Variants in PTPN12 observed in about 807,000 individuals in gnomAD.
The protein encoded by PTPN12 is tyrosine-protein phosphatase non-receptor type 12.
In PTPN12, 29 loss-of-function variants were observed where a neutral mutation model predicts 97.6. The observed-to-expected ratio is 0.30, with a 90% CI of 0.22 to 0.41. PTPN12 has a LOEUF of 0.41. PTPN12 is among the 10% of genes least tolerant of loss of function. PTPN12 has a pLI of 1.00. For synonymous variants in PTPN12, 327 were observed against 300.4 expected (o/e 1.09, Z -0.91); for missense variants, 819 against 926.0 (o/e 0.88, Z 1.50).
chr7:77,585,772 T>C (rs1458255117), intron 5 of PTPN12, among the ~76,000 whole-genome samples, 191 bp downstream of exon 5: 2 of 152,184 alleles, frequency 1.3e-5, no homozygotes, highest in African/African-American at 2.4e-5. Context: ...ATTTTGTAAG[T>C]ATGTTTTATC....
At chr7:77,569,674 G>A (rs1808394941) in intron 1 of PTPN12, among the ~76,000 whole-genome samples, 2 of 152,178 alleles carry the variant, frequency 1.3e-5, no homozygotes, top group African/African-American at 4.8e-5. Flanking sequence ...AGGAGGCTGA[G>A]GCACAAGAAT....
At chr7:77,546,441 C>A (rs1016270674) in intron 1 of PTPN12, among the ~76,000 whole-genome samples, 2 of 152,196 alleles carry the variant, frequency 1.3e-5, no homozygotes, top group East Asian at 3.8e-4. Flanking sequence ...GAGTTGAACT[C>A]CTCTTCCAGC....
At chr7:77,630,978 A>G (rs1053438636) in intron 13 of PTPN12, among the ~76,000 whole-genome samples, 4 of 152,228 alleles carry the variant, frequency 2.6e-5, no homozygotes, top group Admixed American at 1.3e-4. Flanking sequence ...CTGCCATGAG[A>G]GAAAAAGCAC....
At chr7:77,611,964 TC>T (rs1788583752) in intron 11 of PTPN12, among the ~76,000 whole-genome samples, 2 of 151,482 alleles carry the variant, frequency 1.3e-5, no homozygotes, top group East Asian at 4.0e-4. Flanking sequence ...AACCACCTTG[TC>T]CCTGAAGGTG....
At position 77,569,467 on chromosome 7, in the gene PTPN12, G is replaced by C. The variant is rs553611544; in HGVS notation, c.100-1611G>C. ...GAGGTTTCTTTGATTGTAGTTTTTT[G>C]CTGTTACTAACAATGCTGCAGTGGT... is the stretch of plus-strand genomic sequence containing the variant. On this transcript the variant is annotated intron_variant, in intron 1 of 17. Coordinates refer to ENST00000248594, the MANE Select transcript of PTPN12 (RefSeq NM_002835.4). Among the ~76,000 whole-genome samples the C allele has an allele frequency of 9.6e-4, 146 of 152,122 alleles. 1 individual carries two copies. The highest frequency in any genetic ancestry group is 3.4e-3 in the African/African-American group (141 of 41,526).
At chr7:77,622,621 A>G (rs1788979199) in intron 12 of PTPN12, among the ~76,000 whole-genome samples, 1 of 151,880 alleles carries the variant, frequency 6.6e-6, no homozygotes. Flanking sequence ...TACAAAAAAA[A>G]TTAGCTGGGC....
chr7:77,579,645 T>C (rs143343148), intron 2 of PTPN12, among the ~76,000 whole-genome samples: 2,842 of 152,312 alleles, frequency 0.019, 76 homozygotes, highest in African/African-American at 0.064. Flanking sequence ...AATCTAAAAT[T>C]AGTTCTAAAT....
intron 9 of PTPN12, among the ~76,000 whole-genome samples, chr7:77,608,246 C>T (rs545948729): frequency 9.9e-5 from 15 of 152,248 alleles, no homozygotes; most frequent in Admixed American, 2.6e-4. Context: ...GCCTCTATTT[C>T]TTTATCAGAA....
At chr7:77,563,127 T>C (rs1808076193) in intron 1 of PTPN12, among the ~76,000 whole-genome samples, 1 of 152,208 alleles carries the variant, frequency 6.6e-6, no homozygotes, top group South Asian at 2.1e-4. Context: ...ATTATCTAGC[T>C]ATATTGGAGA....
At chr7:77,609,842 C>T (rs1234097961) in intron 9 of PTPN12, among the ~76,000 whole-genome samples, 1 of 151,366 alleles carries the variant, frequency 6.6e-6, no homozygotes, top group African/African-American at 2.4e-5. Flanking sequence ...TATCACGCCA[C>T]CGTACTCCAG....
chr7:77,552,989 C>A (rs974320554), intron 1 of PTPN12, among the ~76,000 whole-genome samples: 2 of 152,098 alleles, frequency 1.3e-5, no homozygotes, highest in Non-Finnish European at 2.9e-5. Flanking sequence ...AAAAGGCCAC[C>A]CCTTGCTCTT....
In PTPN12 at chr7:77,638,669, C is replaced by T. The variant is rs1309555431; in HGVS notation, c.2219C>T (p.Pro740Leu). The change falls in exon 17 of 18, where the codon CCA becomes CTA. Residue 740 changes from proline to leucine, a missense_variant. Coordinates refer to ENST00000248594, the MANE Select transcript of PTPN12 (RefSeq NM_002835.4). ...CACTATGAAATGTGCATAGAATGTC[C>T]ACCTACTTTCAGTGACAAGAGAGAA... The part of the protein sequence containing the change: ...GIHYEMCIEC[P>L]PTFSDKREQI... The T allele has an allele frequency of 2.5e-6, 4 of 1,606,716 alleles. No homozygotes were observed. The highest frequency in any genetic ancestry group is 3.4e-5 in the Admixed American group (2 of 58,274).
At chr7:77,617,148 C>G (rs139467524) in intron 11 of PTPN12, among the ~76,000 whole-genome samples, 24 of 152,046 alleles carry the variant, frequency 1.6e-4, no homozygotes, top group South Asian at 4.1e-4. Flanking sequence ...GAAACTTTGG[C>G]GACCAAAAGT....
chr7:77,549,370 T>C (rs1264183488), intron 1 of PTPN12, among the ~76,000 whole-genome samples: 1 of 152,160 alleles, frequency 6.6e-6, no homozygotes, highest in Non-Finnish European at 1.5e-5. Context: ...AGAGAACAAT[T>C]TGTTGGCTCT....
At chr7:77,593,039 C>G (rs144542104) in intron 6 of PTPN12, among the ~76,000 whole-genome samples, 2,783 of 152,212 alleles carry the variant, frequency 0.018, 33 homozygotes, top group Middle Eastern at 0.071. Flanking sequence ...GAGGCCAAGG[C>G]GAGTGGATCA....
chr7:77,619,399 A>T (rs77705433), intron 12 of PTPN12, among the ~76,000 whole-genome samples: 1,648 of 152,252 alleles, frequency 0.011, 34 homozygotes, highest in African/African-American at 0.037. Context: ...AGATCATTCT[A>T]ACGAAATCAT....
intron 1 of PTPN12, chr7:77,537,924 C>T (rs890681116): frequency 1.6e-6 from 1 of 614,144 alleles, no homozygotes; most frequent in Non-Finnish European, 2.2e-6. Flanking sequence ...CACCGTGGCT[C>T]GCGACCACCT....
intron 4 of PTPN12, among the ~76,000 whole-genome samples, chr7:77,584,199 C>A (rs1787612862): frequency 1.3e-5 from 2 of 152,204 alleles, no homozygotes; most frequent in African/African-American, 2.4e-5. Flanking sequence ...GAAACCTAAC[C>A]ATGTGCATTG....
At chr7:77,538,464 C>CTTGGG (rs1806777979) in intron 1 of PTPN12, among the ~76,000 whole-genome samples, 1 of 151,828 alleles carries the variant, frequency 6.6e-6, no homozygotes, top group South Asian at 2.1e-4. Context: ...AACTTGGGAA[C>CTTGGG]AATAGTCCTG....
Sources: gnomAD v4.1 joint callset for allele counts (sites outside exome capture counted in the v4.1 genomes callset) on GRCh38, gnomAD v4.1.1 for gene constraint, MANE v1.5 for transcripts, NCBI Gene and HGNC (gene_info 2026-07-23, HGNC 2026-07-21) for gene names.